LRGUK: variants seen among roughly 807,000 people sequenced by gnomAD.
LRGUK encodes leucine-rich repeat and guanylate kinase domain-containing protein.
In LRGUK, 65 loss-of-function variants were observed where a neutral mutation model predicts 76.0. The ratio of observed to expected loss-of-function variants is 0.85; its 90% CI spans 0.70 to 1.05. LRGUK has a LOEUF of 1.05. Ranked by LOEUF, LRGUK falls within the 50% of genes least tolerant of loss-of-function variation. The pLI, the probability that LRGUK is intolerant of heterozygous loss-of-function variation, is 0.00. For synonymous variants in LRGUK, 268 were observed against 265.6 expected, an observed-to-expected ratio of 1.01 and a Z score of -0.09; for missense variants, 758 against 732.8, an observed-to-expected ratio of 1.03 and a Z score of -0.40.
downstream of LRGUK, among the ~76,000 whole-genome samples, chr7:134,269,147 A>G (rs908192389): frequency 2.0e-5 from 3 of 151,992 alleles, no homozygotes; most frequent in South Asian, 6.2e-4. Flanking sequence ...ATTCCAAACA[A>G]TCAGGAGGAG....
intron 15 of LRGUK, among the ~76,000 whole-genome samples, chr7:134,204,787 C>T (rs1405783298): frequency 6.6e-6 from 1 of 152,176 alleles, no homozygotes; most frequent in Non-Finnish European, 1.5e-5. Context: ...CAGTGTTCTT[C>T]CTGAGTCTCA....
At chr7:134,259,028 T>C (rs1180419501) in intron 19 of LRGUK, among the ~76,000 whole-genome samples, 2 of 152,138 alleles carry the variant, frequency 1.3e-5, no homozygotes, top group Admixed American at 1.3e-4. Context: ...TTTGGTGAGG[T>C]AGACTCCATT....
intron 4 of LRGUK, among the ~76,000 whole-genome samples, chr7:134,147,321 G>A (rs944020588): frequency 2.6e-5 from 4 of 151,924 alleles, no homozygotes; most frequent in African/African-American, 9.7e-5. Context: ...TATAGTCCCA[G>A]CTGCTCAGAA....
At chr7:134,159,492 T>C (rs374882428) in intron 6 of LRGUK, among the ~76,000 whole-genome samples, 53 of 152,242 alleles carry the variant, frequency 3.5e-4, no homozygotes, top group African/African-American at 1.2e-3. Context: ...TCGAAGTGCT[T>C]TCTTAAAACT....
chr7:134,193,542 A>G (rs547443560), intron 12 of LRGUK, among the ~76,000 whole-genome samples: 1 of 152,006 alleles, frequency 6.6e-6, no homozygotes. Flanking sequence ...GAATTTTACT[A>G]CCTCTACAGA....
chr7:134,275,633 T>A, the LRGUK span, among the ~76,000 whole-genome samples: 2 of 152,232 alleles, frequency 1.3e-5, no homozygotes, highest in African/African-American at 4.8e-5. Flanking sequence ...TGAAGTTTTT[T>A]CCTGGATTTT....
intron 16 of LRGUK, among the ~76,000 whole-genome samples, chr7:134,247,196 T>C (rs1802325681): frequency 6.6e-6 from 1 of 152,194 alleles, no homozygotes; most frequent in Admixed American, 6.5e-5. Flanking sequence ...CTACTATATG[T>C]GCTGAGATCT....
chr7:134,146,982 A>T (rs1218871686), intron 4 of LRGUK, among the ~76,000 whole-genome samples: 1 of 152,184 alleles, frequency 6.6e-6, no homozygotes, highest in African/African-American at 2.4e-5. Context: ...CAGCAGGTGA[A>T]TAATTAAAGT....
At chr7:134,180,053 A>T (rs923050072) in intron 10 of LRGUK, among the ~76,000 whole-genome samples, 5 of 152,218 alleles carry the variant, frequency 3.3e-5, no homozygotes, top group African/African-American at 1.2e-4. Context: ...CTGGTCTGGT[A>T]GTCATTGATA....
chr7:134,253,380 A>T (rs536676968), intron 18 of LRGUK, among the ~76,000 whole-genome samples: 2 of 152,370 alleles, frequency 1.3e-5, no homozygotes, highest in South Asian at 4.1e-4. Context: ...ATGTAGTTTT[A>T]AAATATGATA....
At chr7:134,239,678 G>T (rs1009243452) in intron 16 of LRGUK, among the ~76,000 whole-genome samples, 1 of 152,200 alleles carries the variant, frequency 6.6e-6, no homozygotes, top group Non-Finnish European at 1.5e-5. Flanking sequence ...AAACGTCCCT[G>T]TCTGACAGCT....
intron 11 of LRGUK, among the ~76,000 whole-genome samples, chr7:134,189,227 A>G (rs1285793275): frequency 1.3e-5 from 2 of 152,244 alleles, no homozygotes; most frequent in Non-Finnish European, 2.9e-5. Context: ...CAAATTAATT[A>G]GTAAATAATG....
chr7:134,193,307 A>G (rs1419053604), intron 12 of LRGUK, among the ~76,000 whole-genome samples: 1 of 152,228 alleles, frequency 6.6e-6, no homozygotes, highest in Non-Finnish European at 1.5e-5. Flanking sequence ...GATATTAGTA[A>G]GAAGCATTCT....
intron 13 of LRGUK, among the ~76,000 whole-genome samples, chr7:134,198,542 G>A (rs1467884372): frequency 6.6e-6 from 1 of 152,200 alleles, no homozygotes; most frequent in African/African-American, 2.4e-5. Context: ...TGAGATGGAC[G>A]GGACTTTAGA....
intron 16 of LRGUK, among the ~76,000 whole-genome samples, chr7:134,229,582 T>C (rs1213907523): frequency 6.6e-6 from 1 of 152,198 alleles, no homozygotes; most frequent in African/African-American, 2.4e-5. Context: ...TTCCATATTA[T>C]ACAAATGTCT....
intron 6 of LRGUK, among the ~76,000 whole-genome samples, chr7:134,160,638 G>A (rs1187307046): frequency 6.6e-6 from 1 of 152,180 alleles, no homozygotes; most frequent in South Asian, 2.1e-4. Flanking sequence ...AATATAAGGG[G>A]AAAATGTGGT....
At chr7:134,261,944 C>T (rs1002116823) in intron 19 of LRGUK, among the ~76,000 whole-genome samples, 3 of 152,114 alleles carry the variant, frequency 2.0e-5, no homozygotes, top group Non-Finnish European at 4.4e-5. Flanking sequence ...TTTACTTGAC[C>T]CCTGCCTAAA....
At chr7:134,199,227 G>A (rs151285219) in exon 14 of LRGUK, 2 of 1,613,530 alleles carry the variant, frequency 1.2e-6, no homozygotes, top group Non-Finnish European at 1.7e-6. Context: ...CAGGGTGTAA[G>A]AAGTTTGAAA....
the LRGUK span, among the ~76,000 whole-genome samples, chr7:134,275,533 A>C: frequency 6.6e-6 from 1 of 152,166 alleles, no homozygotes; most frequent in African/African-American, 2.4e-5. Context: ...TGTTATGCTC[A>C]GGATACTTTG....
Sources: gnomAD v4.1 joint callset for allele counts (sites outside exome capture counted in the v4.1 genomes callset) on GRCh38, gnomAD v4.1.1 for gene constraint, MANE v1.5 for transcripts, NCBI Gene and HGNC (gene_info 2026-07-23, HGNC 2026-07-21) for gene names.